The following SCAI variants were observed in gnomAD, a reference collection of about 807,000 sequenced individuals.
SCAI encodes suppressor of cancer cell invasion.
Under a neutral mutation model 92.2 loss-of-function variants are expected in SCAI, and 24 were observed. The ratio of observed to expected loss-of-function variants is 0.26; its 90% CI spans 0.19 to 0.37. SCAI has a LOEUF of 0.37. Among genes scored for constraint, SCAI ranks in the 10% least tolerant of loss-of-function variants. The pLI is 1.00. For missense variants in SCAI, 450 were observed against 736.2 expected, an observed-to-expected ratio of 0.61 and a Z score of 4.50; for synonymous variants, 261 against 258.6, an observed-to-expected ratio of 1.01 and a Z score of -0.09.
intron 2 of SCAI, among the ~76,000 whole-genome samples, chr9:125,056,900 T>C (rs1379240469): frequency 2.0e-5 from 3 of 152,082 alleles, no homozygotes; most frequent in Admixed American, 6.5e-5. Flanking sequence ...CACACACACA[T>C]ATACATACAC....
At chr9:125,076,569 A>T (rs1015843516) in intron 2 of SCAI, among the ~76,000 whole-genome samples, 23 of 145,408 alleles carry the variant, frequency 1.6e-4, no homozygotes, top group African/African-American at 5.6e-4. Flanking sequence ...AAAGAAAGAA[A>T]AAAGGAAACA....
intron 2 of SCAI, among the ~76,000 whole-genome samples, chr9:125,120,684 C>T (rs1835139683): frequency 6.6e-6 from 1 of 152,050 alleles, no homozygotes; most frequent in Middle Eastern, 3.2e-3. Context: ...CAGAACAAGA[C>T]TCCATCTCAA....
chr9:125,022,539 G>A (rs1832889269), intron 6 of SCAI, among the ~76,000 whole-genome samples: 1 of 152,146 alleles, frequency 6.6e-6, no homozygotes, highest in Non-Finnish European at 1.5e-5. Context: ...AGCTTCCTGA[G>A]TAACTAGGAT....
In SCAI at chr9:124,943,536, A is replaced by G. The variant is rs1006645802; in HGVS notation, c.*9271T>C. 2.0e-5 allele frequency: 3 copies of G among 152,220 alleles called. No individual in the cohort carries two copies. Among genetic ancestry groups the G allele is most frequent in the African/African-American group, 7.2e-5 (3 of 41,460 alleles). 9.4% of individuals were successfully genotyped at this position (152,220 alleles called of 1,614,324 possible). ...TGAGGAGAGCTAATATAACTCTATAATCCCTATAGTGTTAAAATTCTATAA... is the reference window on the plus strand; with the variant it reads ...TGAGGAGAGCTAATATAACTCTATAGTCCCTATAGTGTTAAAATTCTATAA... On this transcript the variant is annotated 3_prime_UTR_variant, in exon 18 of 18. Transcript: ENST00000336505.
intron 2 of SCAI, among the ~76,000 whole-genome samples, chr9:125,093,153 G>T (rs1326572970): frequency 6.6e-6 from 1 of 152,162 alleles, no homozygotes; most frequent in African/African-American, 2.4e-5. Context: ...TTGAGGTCAG[G>T]AGTTCAAGAC....
At chr9:125,106,613 C>A (rs1331024307) in intron 2 of SCAI, among the ~76,000 whole-genome samples, 1 of 151,842 alleles carries the variant, frequency 6.6e-6, no homozygotes, top group Non-Finnish European at 1.5e-5. Context: ...GTAAAATATT[C>A]ATTAAATTCT....
chr9:125,013,117 G>C (rs1402529797), intron 9 of SCAI, among the ~76,000 whole-genome samples: 1 of 152,126 alleles, frequency 6.6e-6, no homozygotes, highest in African/African-American at 2.4e-5. Context: ...ACAATTAAAA[G>C]AACTAGAAAA....
At chr9:125,046,530 A>G (rs1056077882) in intron 3 of SCAI, among the ~76,000 whole-genome samples, 2 of 150,448 alleles carry the variant, frequency 1.3e-5, no homozygotes, top group Non-Finnish European at 3.0e-5. Flanking sequence ...TAAGAATGAC[A>G]CATGGACTTT....
chr9:125,080,446 A>T (rs902315602), intron 2 of SCAI, among the ~76,000 whole-genome samples: 7 of 152,192 alleles, frequency 4.6e-5, no homozygotes, highest in African/African-American at 1.7e-4. Context: ...AACATAAGTA[A>T]ACGTATTTTC....
intron 3 of SCAI, among the ~76,000 whole-genome samples, chr9:125,044,472 T>G (rs1168308107): frequency 6.6e-6 from 1 of 152,068 alleles, no homozygotes; most frequent in African/African-American, 2.4e-5. Flanking sequence ...AGGTCTCCTC[T>G]CTGCTAAGAG....
rs138625228 is a variant in SCAI at position 125,134,702 on chromosome 9, G to A, written c.98+7931C>T. Among the ~76,000 whole-genome samples, 600 of 152,316 alleles carry A rather than the reference G, an allele frequency of 3.9e-3. 32 individuals are homozygous for A. The East Asian group carries it at 0.08, about 20-fold the overall frequency. On this transcript the variant is annotated intron_variant, in intron 2 of 17. Transcript: ENST00000336505. ...CTTTTTTGTGTGTGTGTGAGATGGA[G>A]TTTCGCTCTTGTTGCCCAGGCTAGA...
chr9:124,973,747 G>C (rs1831703855), intron 15 of SCAI, among the ~76,000 whole-genome samples: 1 of 152,198 alleles, frequency 6.6e-6, no homozygotes. Flanking sequence ...AGAATCGCTT[G>C]AACTTGGGAG....
chr9:125,139,617 C>T (rs898809403), intron 2 of SCAI, among the ~76,000 whole-genome samples: 6 of 152,072 alleles, frequency 3.9e-5, no homozygotes, highest in Admixed American at 2.0e-4. Context: ...AAGTATTAAC[C>T]GTGGCTGGGA....
Position 124,999,882 on chromosome 9 carries a change from A to C in SCAI, c.1244+9T>G. Reference sequence around the variant, plus strand: ...TTTTTATAATAAGAGTAGACACCAGAATACATACCAGTGCATTTCCTTGTG... The same window carrying C: ...TTTTTATAATAAGAGTAGACACCAGCATACATACCAGTGCATTTCCTTGTG... On this transcript the variant is annotated intron_variant, in intron 13 of 17. Transcript: ENST00000336505. 7.3e-7 allele frequency: 1 copy of C among 1,365,934 alleles called. No individual in the cohort carries two copies. Among genetic ancestry groups the C allele is most frequent in the Non-Finnish European group, 1.0e-6 (1 of 973,472 alleles). 84.6% of individuals were successfully genotyped at this position (1,365,934 alleles called of 1,614,324 possible).
intron 17 of SCAI, among the ~76,000 whole-genome samples, chr9:124,962,630 T>C (rs1831462961): frequency 6.6e-6 from 1 of 152,134 alleles, no homozygotes; most frequent in Admixed American, 6.5e-5. Context: ...ACTGGATTAA[T>C]TATCTTAAAA....
intron 3 of SCAI, among the ~76,000 whole-genome samples, chr9:125,031,897 C>G (rs1564386092): frequency 6.6e-6 from 1 of 151,942 alleles, no homozygotes; most frequent in Admixed American, 6.6e-5. Context: ...AGATTCACAG[C>G]TTATCAATTT....
At chr9:125,115,664 A>T (rs1191851073) in intron 2 of SCAI, among the ~76,000 whole-genome samples, 1 of 152,232 alleles carries the variant, frequency 6.6e-6, no homozygotes, top group Non-Finnish European at 1.5e-5. Context: ...AAACTAAAAA[A>T]TCAATTTACA....
In SCAI at chr9:124,947,795, A is replaced by T. The variant is rs1372351153; in HGVS notation, c.*5012T>A. The T allele has an allele frequency of 6.6e-6, 1 of 152,218 alleles. No individual in the cohort carries two copies. Among genetic ancestry groups the T allele is most frequent in the Non-Finnish European group, 1.5e-5 (1 of 68,034 alleles). 9.4% of individuals were successfully genotyped at this position (152,218 alleles called of 1,614,324 possible). ...TCTATGATTTCCAAACACACACAGG[A>T]ACATATACACCCAAAACATCACCAG... On this transcript the variant is annotated 3_prime_UTR_variant, in exon 18 of 18. Coordinates refer to ENST00000336505, the MANE Select transcript of SCAI (RefSeq NM_001144877.3).
intron 17 of SCAI, among the ~76,000 whole-genome samples, chr9:124,961,543 G>A (rs145290479): frequency 5.3e-5 from 8 of 151,522 alleles, no homozygotes; most frequent in South Asian, 2.1e-4. Flanking sequence ...CCAGCTACTC[G>A]GGAGGCTGAG....
Sources: gnomAD v4.1 joint callset for allele counts (sites outside exome capture counted in the v4.1 genomes callset) on GRCh38, gnomAD v4.1.1 for gene constraint, MANE v1.5 for transcripts, NCBI Gene and HGNC (gene_info 2026-07-23, HGNC 2026-07-21) for gene names.